ALS2: variants seen among roughly 807,000 people sequenced by gnomAD.
The protein encoded by ALS2 is alsin.
In ALS2, 117 loss-of-function variants were observed where a neutral mutation model predicts 203.4. The ratio of observed to expected loss-of-function variants is 0.58; its 90% CI spans 0.50 to 0.67. The LOEUF (loss-of-function observed/expected upper bound fraction) is 0.67, where lower values mean the gene tolerates loss of function less well. Ranked by LOEUF, ALS2 falls within the 30% of genes least tolerant of loss-of-function variation. The pLI is 0.00. For missense variants in ALS2, 1,715 were observed against 1,989.4 expected (o/e 0.86, Z 2.62); for synonymous variants, 718 against 725.9 (o/e 0.99, Z 0.17).
intron 9 of ALS2, 57 bp downstream of exon 9, chr2:201,746,509 A>C (rs561810001): frequency 1.3e-6 from 2 of 1,598,246 alleles, no homozygotes; most frequent in Non-Finnish European, 1.7e-6. Flanking sequence ...AAAAACAAAA[A>C]CAAAAGACTT....
At chr2:201,727,424 C>T (rs539254601) in intron 16 of ALS2, 146 bp from the exon 17 acceptor site, 8 of 801,442 alleles carry the variant, frequency 1.0e-5, no homozygotes, top group East Asian at 5.3e-5. Context: ...GGCGCCACCA[C>T]GGTGGAAAGA....
In ALS2 at chr2:201,779,600, C is replaced by T. The variant is rs1433575941; in HGVS notation, c.-61+1277G>A. Among the ~76,000 whole-genome samples, 3 of 152,234 alleles carry T rather than the reference C, an allele frequency of 2.0e-5. 1 individual carries two copies. The South Asian group carries it at 6.2e-4, about 32-fold the overall frequency. ...TAGTGGGAGGAATTAATTATAAAAA[C>T]AGCTAATATGTATTGAATATTTACC... is the stretch of plus-strand genomic sequence containing the variant. On this transcript the variant is annotated intron_variant, in intron 1 of 33. Transcript: ENST00000264276.
At chr2:201,740,806 G>T (rs559204321) in intron 11 of ALS2, among the ~76,000 whole-genome samples, 78 of 152,240 alleles carry the variant, frequency 5.1e-4, no homozygotes, top group African/African-American at 1.9e-3. Flanking sequence ...CTTTATTTGT[G>T]CAGTTTTCAG....
intron 31 of ALS2, 23 bp from the exon 32 acceptor site, chr2:201,704,626 A>G (rs1027849655): frequency 1.2e-6 from 2 of 1,613,926 alleles, no homozygotes; most frequent in Admixed American, 3.3e-5. Context: ...CAATGACAAA[A>G]AGACATCCTA....
At chr2:201,705,929 A>G (rs1689683456) in intron 29 of ALS2, among the ~76,000 whole-genome samples, 1 of 144,760 alleles carries the variant, frequency 6.9e-6, no homozygotes, top group South Asian at 2.4e-4. Flanking sequence ...AGCCAGGGCA[A>G]CAAAGCAAGA....
chr2:201,749,659 G>A (rs1458990548), intron 8 of ALS2, 53 bp downstream of exon 8: 11 of 1,376,008 alleles, frequency 8.0e-6, no homozygotes, highest in East Asian at 6.9e-5. Context: ...AGAAGTATAA[G>A]GTGTTACAGC....
intron 4 of ALS2, chr2:201,759,701 T>G: frequency 1.0e-6 from 1 of 984,320 alleles, no homozygotes; most frequent in Non-Finnish European, 1.2e-6. Flanking sequence ...GTGAATAGAT[T>G]GTGAAATAAA....
intron 2 of ALS2, 30 bp downstream of exon 2, chr2:201,768,836 G>A (rs978840521): frequency 6.2e-7 from 1 of 1,608,418 alleles, no homozygotes; most frequent in Admixed American, 1.7e-5. Flanking sequence ...TTTCCTAGGA[G>A]GATAAGAGAA....
chr2:201,758,643 C>A (rs550486378), intron 4 of ALS2, among the ~76,000 whole-genome samples: 8 of 152,276 alleles, frequency 5.3e-5, no homozygotes, highest in African/African-American at 1.9e-4. Flanking sequence ...TTCAGCTCAT[C>A]AGCATAGATC....
intron 23 of ALS2, chr2:201,722,543 T>C (rs6737136): frequency 0.028 from 4,254 of 153,970 alleles, 73 homozygotes; most frequent in South Asian, 0.058. Flanking sequence ...CAAAAGTTTA[T>C]AGCAGCATTA....
chr2:201,760,486 TTTCTC>T, intron 4 of ALS2: 22 of 1,002,840 alleles, frequency 2.2e-5, no homozygotes, highest in Non-Finnish European at 2.5e-5. Context: ...GGAAAAGACT[TTTCTC>T]TACAGAATTC....
Position 201,761,509 on chromosome 2 carries a change from G to A in ALS2, c.485C>T (p.Thr162Ile), listed in dbSNP as rs765104012. 6.2e-7 allele frequency: 1 copy of A among 1,613,598 alleles called. No homozygotes were observed. Among genetic ancestry groups the A allele is most frequent in the Non-Finnish European group, 8.5e-7 (1 of 1,179,508 alleles). ...CTCTCTGCTTATTGACAATGCCAGA[G>A]TGTGCTCCTCGCCACACGCCAACTG... ...ILQLACGEEH[T>I]LALSISREIW... is the part of the protein sequence containing the mutation. The change falls in exon 4 of 34, where the codon ACT becomes ATT. Residue 162 changes from threonine (T) to isoleucine (I), a missense_variant. Physicochemically the swap from Thr to Ile is moderately conservative, Grantham distance 89. Around this residue, in one of 3 missense-constraint regions of ALS2, gnomAD observed 476 missense variants for 539.3 expected, o/e 0.88. Coordinates refer to ENST00000264276, the MANE Select transcript of ALS2 (RefSeq NM_020919.4).
chr2:201,722,795 A>C (rs1407865745), intron 23 of ALS2: 1 of 525,560 alleles, frequency 1.9e-6, no homozygotes, highest in East Asian at 3.3e-5. Context: ...AAGGGTGATT[A>C]GTGGTTGGCT....
At chr2:201,779,627 TA>T (rs1271837360) in intron 1 of ALS2, among the ~76,000 whole-genome samples, 1 of 152,194 alleles carries the variant, frequency 6.6e-6, no homozygotes, top group Non-Finnish European at 1.5e-5. Context: ...ATATTTACCA[TA>T]AAACAGGCAC....
At chr2:201,711,916 A>G (rs1337555859) in intron 25 of ALS2, among the ~76,000 whole-genome samples, 1 of 152,224 alleles carries the variant, frequency 6.6e-6, no homozygotes, top group East Asian at 1.9e-4. Context: ...TTAAGGTCGA[A>G]CTGACAGGCT....
At position 201,704,155 on chromosome 2, in the gene ALS2, A is replaced by G; in HGVS notation, c.4902T>C (p.His1634=). 6.2e-7 allele frequency: 1 copy of G among 1,614,026 alleles called. No individual in the cohort carries two copies. The highest frequency in any genetic ancestry group is 1.1e-5 in the South Asian group (1 of 91,076). Residue 1634 remains histidine (H), a synonymous_variant, in exon 33 of 34, where the codon CAT becomes CAC. Transcript: ENST00000264276. ...IEDLMDPYLQ[H]GEQGIMFTTL... is the part of the protein sequence containing the mutation. ...TGGTGAACATTATACCCTGTTCCCC[A>G]TGCTGAAGATAGGGGTCCATTAGAT...
Position 201,746,685 on chromosome 2 carries a change from C to T in ALS2, c.1879G>A (p.Asp627Asn). Reference protein sequence around the residue: ...AGRDYSLFLVDTEDFQPGLYY... With the variant: ...AGRDYSLFLVNTEDFQPGLYY... The stretch of plus-strand genomic sequence containing the variant: ...AACCCAGGCTGGAAGTCTTCTGTAT[C>T]CACTAAAAACAGGGAATAATCCCTG... The change falls in exon 9 of 34, where the codon GAT becomes AAT. Residue 627 changes from aspartate to asparagine, a missense_variant. Around this residue, in one of 3 missense-constraint regions of ALS2, gnomAD observed 1,227 missense variants for 1,413.5 expected, o/e 0.87. Transcript: ENST00000264276. 1.2e-6 allele frequency: 2 copies of T among 1,614,112 alleles called. No individual in the cohort carries two copies. The highest frequency in any genetic ancestry group is 1.7e-6 in the Non-Finnish European group (2 of 1,180,012).
Position 201,723,513 on chromosome 2 carries a change from T to C in ALS2, c.3513-72A>G, listed in dbSNP as rs960024621. On this transcript the variant is annotated intron_variant, in intron 21 of 33. Coordinates refer to ENST00000264276, the MANE Select transcript of ALS2 (RefSeq NM_020919.4). ...AAGTAGGGAAAAGACAATTATCACATGGGAGATCCCAGGCATCAACCCTAG... is the reference window on the plus strand; with the variant it reads ...AAGTAGGGAAAAGACAATTATCACACGGGAGATCCCAGGCATCAACCCTAG... 1.7e-5 allele frequency: 22 copies of C among 1,303,910 alleles called. 1 individual carries two copies. The African/African-American group carries it at 3.2e-4, about 19-fold the overall frequency. The allele number at this position is 1,303,910 out of a possible 1,614,324, so 80.8% of individuals were successfully genotyped here.
At chr2:201,721,538 G>A (rs984730017) in intron 23 of ALS2, among the ~76,000 whole-genome samples, 11 of 152,172 alleles carry the variant, frequency 7.2e-5, no homozygotes, top group African/African-American at 2.4e-4. Flanking sequence ...AAGATTCAAT[G>A]GGAAAAGGTG....
Sources: gnomAD v4.1 joint callset for allele counts (sites outside exome capture counted in the v4.1 genomes callset) on GRCh38, gnomAD v4.1.1 for gene constraint, gnomAD v4.1.1 regional missense constraint, MANE v1.5 for transcripts, NCBI Gene and HGNC (gene_info 2026-07-23, HGNC 2026-07-21) for gene names.